Variants in GSTT4 observed in about 807,000 individuals in gnomAD.
GSTT4 encodes glutathione S-transferase theta 4.
At chr22:24,003,577 C>G (rs2034284520) in intron 2 of GSTT4, among the ~76,000 whole-genome samples, 183 bp downstream of exon 2, 1 of 152,280 alleles carries the variant, frequency 6.6e-6, no homozygotes, top group Non-Finnish European at 1.5e-5. Flanking sequence ...AACTGGACCC[C>G]AAGTTGGCAA....
At chr22:23,997,367 C>T (rs913669471), downstream of GSTT4, among the ~76,000 whole-genome samples, 4 of 151,980 alleles carry the variant, frequency 2.6e-5, no homozygotes, top group African/African-American at 9.7e-5. Flanking sequence ...CAGGCTTGCA[C>T]CACCACACCA....
the GSTT4 span, among the ~76,000 whole-genome samples, chr22:23,992,065 A>T: frequency 5.4e-5 from 8 of 149,212 alleles, no homozygotes; most frequent in African/African-American, 1.5e-4. Context: ...AAAAAAAAAA[A>T]AAAAAAAAGG....
chr22:23,997,965 G>T (rs1400372877), downstream of GSTT4, among the ~76,000 whole-genome samples: 6 of 152,210 alleles, frequency 3.9e-5, no homozygotes, highest in East Asian at 9.6e-4. Flanking sequence ...CTATGTGCTT[G>T]TGAGTTTTCT....
At chr22:23,995,759 C>A (rs2034109689), downstream of GSTT4, among the ~76,000 whole-genome samples, 1 of 152,144 alleles carries the variant, frequency 6.6e-6, no homozygotes, top group South Asian at 2.1e-4. Context: ...TCTTTAATTT[C>A]TTTCAACAGC....
At chr22:23,993,014 C>T in the GSTT4 span, among the ~76,000 whole-genome samples, 6 of 152,132 alleles carry the variant, frequency 3.9e-5, no homozygotes, top group African/African-American at 7.3e-5. Flanking sequence ...CTCAAGTGAT[C>T]CTCCCACCTC....
At chr22:24,003,272 C>T (rs1407206707) in intron 2 of GSTT4, among the ~76,000 whole-genome samples, 1 of 48,766 alleles carries the variant, frequency 2.1e-5, no homozygotes, top group Non-Finnish European at 5.7e-5. Flanking sequence ...AGTGCAACGA[C>T]GCAGTCTTGG....
chr22:23,992,892 A>C, the GSTT4 span, among the ~76,000 whole-genome samples: 16 of 151,294 alleles, frequency 1.1e-4, no homozygotes, highest in African/African-American at 2.9e-4. Context: ...CTTCTGCCTT[A>C]CCCTCCCATG....
intron 2 of GSTT4, among the ~76,000 whole-genome samples, chr22:24,002,984 G>A (rs1055356424): frequency 5.9e-5 from 9 of 152,222 alleles, no homozygotes; most frequent in Admixed American, 1.3e-4. Context: ...TAATGGTATC[G>A]TAGTGATGCT....
the GSTT4 span, chr22:23,991,497 G>C: frequency 6.9e-5 from 3 of 43,330 alleles, 1 homozygote; most frequent in Non-Finnish European, 1.3e-4. Flanking sequence ...GGACAAACCC[G>C]GGGACAGGCC....
downstream of GSTT4, among the ~76,000 whole-genome samples, chr22:23,996,332 T>C (rs1462979168): frequency 6.6e-6 from 1 of 152,168 alleles, no homozygotes; most frequent in African/African-American, 2.4e-5. Flanking sequence ...ACTTCTTTCT[T>C]TCTGATCTAG....
downstream of GSTT4, among the ~76,000 whole-genome samples, chr22:23,993,545 C>G (rs544988640): frequency 4.1e-4 from 62 of 151,856 alleles, no homozygotes; most frequent in African/African-American, 1.3e-3. Flanking sequence ...AGAACCTGGG[C>G]TGGAGGCCCC....
chr22:23,991,957 G>A, the GSTT4 span, among the ~76,000 whole-genome samples: 4 of 145,212 alleles, frequency 2.8e-5, no homozygotes, highest in East Asian at 6.2e-4. Context: ...GGAGGCTGGG[G>A]CAGGAGAATG....
intron 1 of GSTT4, 98 bp downstream of exon 1, chr22:24,005,147 C>G (rs973058157): frequency 9.7e-6 from 1 of 103,394 alleles, no homozygotes. Context: ...GGCAACAGAG[C>G]GAGACTCCAT....
chr22:23,999,956 C>T (rs2034189505), intron 4 of GSTT4, 119 bp downstream of exon 4: 1 of 154,614 alleles, frequency 6.5e-6, no homozygotes, highest in South Asian at 2.0e-4. Context: ...CCGCAGCCCC[C>T]ATGGCAGCTC....
Position 23,998,440 on chromosome 22 carries a change from G to GTTTTTTGTTTTTT in GSTT4, c.*101_*102insAAAAAACAAAAAA, listed in dbSNP as rs2034144178. ...GTTCTTTATTAGGCAAAGAACAGTT[G>GTTTTTTGTTTTTT]TTTTTTTGTTTTTTTGTTTTTTTTT... On this transcript the variant is annotated 3_prime_UTR_variant, in exon 5 of 5. Transcript: ENST00000621179. The GTTTTTTGTTTTTT allele has an allele frequency of 7.1e-6, 1 of 139,912 alleles. No homozygotes were observed. The highest frequency in any genetic ancestry group is 1.5e-5 in the Non-Finnish European group (1 of 64,672). The allele number at this position is 139,912 out of a possible 1,614,324, so 8.7% of individuals were successfully genotyped here.
At chr22:24,000,878 C>T (rs1487314771) in intron 3 of GSTT4, among the ~76,000 whole-genome samples, 6 of 110,870 alleles carry the variant, frequency 5.4e-5, no homozygotes, top group East Asian at 2.1e-4. Flanking sequence ...GGCCTTTTGA[C>T]GCTGAGATTC....
At chr22:24,002,597 G>A (rs186733392) in intron 2 of GSTT4, among the ~76,000 whole-genome samples, 31 of 39,888 alleles carry the variant, frequency 7.8e-4, no homozygotes, top group Admixed American at 4.0e-3. Flanking sequence ...CTGGGAGGCC[G>A]AGGCGGGGGG....
At chr22:23,999,650 C>A (rs2034182961) in intron 4 of GSTT4, among the ~76,000 whole-genome samples, 1 of 129,916 alleles carries the variant, frequency 7.7e-6, no homozygotes, top group Non-Finnish European at 1.6e-5. Context: ...TCAGACCCAG[C>A]CACGAGAGCT....
chr22:23,994,621 T>A (rs1394651387), downstream of GSTT4, among the ~76,000 whole-genome samples: 1 of 146,740 alleles, frequency 6.8e-6, no homozygotes, highest in Non-Finnish European at 1.5e-5. Context: ...TATGGCTGAA[T>A]AATATTCAAT....
Sources: allele counts gnomAD v4.1 joint callset (sites outside exome capture counted in the v4.1 genomes callset), GRCh38; gene constraint gnomAD v4.1.1; transcripts MANE v1.5; gene names NCBI Gene and HGNC (gene_info 2026-07-23, HGNC 2026-07-21).